STK3: variants seen among roughly 807,000 people sequenced by gnomAD.
The protein encoded by STK3 is serine/threonine-protein kinase 3.
A neutral mutation model predicts 58.0 loss-of-function variants in STK3; 41 were observed. The ratio of observed to expected loss-of-function variants is 0.71; its 90% CI spans 0.55 to 0.92. The LOEUF is 0.92. Among genes scored for constraint, STK3 ranks in the 40% least tolerant of loss-of-function variants. STK3 has a pLI of 0.00. For synonymous variants in STK3, 170 were observed against 191.0 expected (o/e 0.89, Z 0.91); for missense variants, 479 against 602.7 (o/e 0.79, Z 2.15).
chr8:98,566,971 A>C (rs1812530471), intron 8 of STK3, among the ~76,000 whole-genome samples: 1 of 152,150 alleles, frequency 6.6e-6, no homozygotes, highest in Admixed American at 6.5e-5. Context: ...CCTCAAACTA[A>C]AGCAAAAGAA....
At chr8:98,660,613 A>G (rs1004749869) in intron 6 of STK3, among the ~76,000 whole-genome samples, 1 of 151,992 alleles carries the variant, frequency 6.6e-6, no homozygotes, top group African/African-American at 2.4e-5. Context: ...CTCCATATCA[A>G]TTCTGACAAA....
intron 1 of STK3, among the ~76,000 whole-genome samples, chr8:98,917,911 T>A (rs2131998865): frequency 6.6e-6 from 1 of 152,192 alleles, no homozygotes; most frequent in African/African-American, 2.4e-5. Flanking sequence ...AACCAACAGC[T>A]CAAGACCCAT....
At chr8:98,853,079 C>T (rs1384762371) in intron 3 of STK3, among the ~76,000 whole-genome samples, 1 of 151,592 alleles carries the variant, frequency 6.6e-6, no homozygotes, top group Non-Finnish European at 1.5e-5. Flanking sequence ...ATGTGTAGTT[C>T]TAAGGAATAT....
intron 4 of STK3, among the ~76,000 whole-genome samples, chr8:98,739,511 C>T (rs1362864774): frequency 6.7e-6 from 1 of 149,392 alleles, no homozygotes; most frequent in African/African-American, 2.5e-5. Context: ...CTAGCAAACT[C>T]CAACACACCT....
At chr8:98,776,019 A>G (rs1587588034) in intron 1 of STK3, among the ~76,000 whole-genome samples, 1 of 152,238 alleles carries the variant, frequency 6.6e-6, no homozygotes, top group Non-Finnish European at 1.5e-5. Flanking sequence ...CTGATCATGA[A>G]GAAGCAGAAA....
At chr8:98,578,231 T>C (rs1392378390) in intron 8 of STK3, among the ~76,000 whole-genome samples, 6 of 152,320 alleles carry the variant, frequency 3.9e-5, no homozygotes, top group African/African-American at 1.4e-4. Context: ...TGAAACCCCC[T>C]GAGAGCAAGA....
intron 10 of STK3, among the ~76,000 whole-genome samples, chr8:98,459,860 T>C (rs1357025112): frequency 6.6e-6 from 1 of 152,104 alleles, no homozygotes; most frequent in Non-Finnish European, 1.5e-5. Flanking sequence ...GAGGATGTAA[T>C]GGAAATGACT....
chr8:98,846,856 T>TACAC (rs374739035), intron 3 of STK3, among the ~76,000 whole-genome samples: 6,569 of 143,366 alleles, frequency 0.046, 169 homozygotes, highest in South Asian at 0.067. Flanking sequence ...TTCAGGATCC[T>TACAC]ACACACACAC....
At position 98,752,737 on chromosome 8, in the gene STK3, A is replaced by C. The variant is rs540358703; in HGVS notation, c.237-3347T>G. Among the ~76,000 whole-genome samples the C allele has an allele frequency of 1.1e-3, 163 of 152,086 alleles. 2 individuals are homozygous for C. The highest frequency in any genetic ancestry group is 3.5e-3 in the Admixed American group (54 of 15,278). On this transcript the variant is annotated intron_variant, in intron 3 of 10. Transcript: ENST00000419617. ...GTCTAATATCCAGCAGCTATAAGGA[A>C]CTTAAACAGATCTACAAGAAAAAAA...
chr8:98,643,867 G>T (rs965624015), intron 6 of STK3, among the ~76,000 whole-genome samples: 1 of 151,992 alleles, frequency 6.6e-6, no homozygotes, highest in Non-Finnish European at 1.5e-5. Context: ...AAATTAGCTG[G>T]GTGTGATGGC....
chr8:98,653,518 C>G (rs1434486292), intron 6 of STK3, among the ~76,000 whole-genome samples: 3 of 151,984 alleles, frequency 2.0e-5, no homozygotes, highest in African/African-American at 7.3e-5. Context: ...CACAAAAAAC[C>G]CTTCAAAAAA....
chr8:98,735,814 C>T (rs1828533807), intron 4 of STK3, among the ~76,000 whole-genome samples: 1 of 152,178 alleles, frequency 6.6e-6, no homozygotes, highest in South Asian at 2.1e-4. Context: ...TGGAATATGT[C>T]TAATTAACCC....
chr8:98,801,485 C>T (rs779344437), intron 1 of STK3, among the ~76,000 whole-genome samples: 1 of 152,116 alleles, frequency 6.6e-6, no homozygotes, highest in Non-Finnish European at 1.5e-5. Flanking sequence ...ACACTCACCT[C>T]GAAGGTCTGC....
intron 6 of STK3, among the ~76,000 whole-genome samples, chr8:98,700,143 C>T (rs1825424865): frequency 1.3e-5 from 2 of 152,220 alleles, no homozygotes; most frequent in African/African-American, 2.4e-5. Context: ...ATCAGCGAGA[C>T]TCCGTGGGCG....
chr8:98,851,078 C>T (rs1361715309), intron 3 of STK3, among the ~76,000 whole-genome samples: 1 of 152,134 alleles, frequency 6.6e-6, no homozygotes, highest in Non-Finnish European at 1.5e-5. Context: ...CTAAAACCTC[C>T]TCACCTTTAA....
chr8:98,924,861 A>G (rs1020253295), intron 1 of STK3, among the ~76,000 whole-genome samples: 1 of 152,182 alleles, frequency 6.6e-6, no homozygotes, highest in Admixed American at 6.5e-5. Flanking sequence ...TTCTCTTCCC[A>G]TAGGATAGTG....
chr8:98,580,184 A>G (rs1371983284), intron 7 of STK3, among the ~76,000 whole-genome samples: 1 of 152,212 alleles, frequency 6.6e-6, no homozygotes, highest in Non-Finnish European at 1.5e-5. Context: ...TAATCTTAAT[A>G]AGTTGACAGC....
intron 1 of STK3, among the ~76,000 whole-genome samples, chr8:98,923,799 T>C (rs986272550): frequency 1.3e-5 from 2 of 151,690 alleles, no homozygotes; most frequent in Admixed American, 6.6e-5. Context: ...TAAAACTCTG[T>C]GTATATGCAG....
At chr8:98,356,518 T>C in the STK3 span, among the ~76,000 whole-genome samples, 1 of 152,136 alleles carries the variant, frequency 6.6e-6, no homozygotes, top group East Asian at 1.9e-4. Flanking sequence ...GCAAAACTCA[T>C]GGAAGTCAGG....
Sources: gnomAD v4.1 joint callset for allele counts (sites outside exome capture counted in the v4.1 genomes callset) on GRCh38, gnomAD v4.1.1 for gene constraint, MANE v1.5 for transcripts, NCBI Gene and HGNC (gene_info 2026-07-23, HGNC 2026-07-21) for gene names.